NRXN1: variants seen among roughly 807,000 people sequenced by gnomAD.
NRXN1 encodes neurexin 1.
In NRXN1, 39 loss-of-function variants were observed where a neutral mutation model predicts 150.9. That is an observed-to-expected ratio of 0.26 (90% CI 0.20 to 0.34). The LOEUF is 0.34. Ranked by LOEUF, NRXN1 falls within the 10% of genes least tolerant of loss-of-function variation. The probability of loss-of-function intolerance (pLI) is 1.00; values close to 1 mark genes in which losing one functional copy is unlikely to be tolerated. For missense variants in NRXN1, 1,815 were observed against 1,949.9 expected, an observed-to-expected ratio of 0.93 and a Z score of 1.30; for synonymous variants, 924 against 757.0, an observed-to-expected ratio of 1.22 and a Z score of -3.62.
At chr2:50,249,930 G>T (rs1011770385) in intron 17 of NRXN1, among the ~76,000 whole-genome samples, 1 of 152,026 alleles carries the variant, frequency 6.6e-6, no homozygotes, top group Non-Finnish European at 1.5e-5. Flanking sequence ...GAGCCACCGT[G>T]CCTGGCCCAG....
At chr2:50,331,883 C>A (rs1429440925) in intron 17 of NRXN1, among the ~76,000 whole-genome samples, 1 of 152,096 alleles carries the variant, frequency 6.6e-6, no homozygotes, top group Non-Finnish European at 1.5e-5. Flanking sequence ...CTAGGACCGT[C>A]TACATTATAA....
At chr2:50,474,443 G>A (rs536455057) in intron 15 of NRXN1, among the ~76,000 whole-genome samples, 90 of 151,724 alleles carry the variant, frequency 5.9e-4, no homozygotes, top group Non-Finnish European at 1.1e-3. Context: ...AGAGGGTGCT[G>A]ATTTCTAATT....
chr2:50,972,559 T>G (rs1188621460), intron 2 of NRXN1, among the ~76,000 whole-genome samples: 1 of 152,086 alleles, frequency 6.6e-6, no homozygotes, highest in Non-Finnish European at 1.5e-5. Context: ...ATTATTACAT[T>G]GTAATATCGA....
At chr2:50,776,260 A>G (rs781679153) in intron 5 of NRXN1, among the ~76,000 whole-genome samples, 1 of 152,146 alleles carries the variant, frequency 6.6e-6, no homozygotes, top group Non-Finnish European at 1.5e-5. Context: ...TCACAAAATT[A>G]TGTGGTCCGT....
intron 18 of NRXN1, among the ~76,000 whole-genome samples, chr2:50,141,607 A>G (rs1383149007): frequency 1.3e-5 from 2 of 152,142 alleles, no homozygotes; most frequent in African/African-American, 4.8e-5. Flanking sequence ...ACAATTCAAT[A>G]GCAAAAAGCC....
rs548394538 is a variant in NRXN1 at position 50,063,251 on chromosome 2, C to T, written c.3719-8207G>A. 6.2e-4 allele frequency among the ~76,000 whole-genome samples: 94 copies of T among 152,176 alleles called. 1 individual carries two copies. The highest frequency in any genetic ancestry group is 4.8e-3 in the South Asian group (23 of 4,822). On this transcript the variant is annotated intron_variant, in intron 19 of 22. Transcript: ENST00000401669. ...TTCCAAATAAATAGATTTTGAATAT[C>T]GACACCTTTTGAGAAACAAACTTTT... is the stretch of plus-strand genomic sequence containing the variant.
intron 21 of NRXN1, among the ~76,000 whole-genome samples, chr2:49,992,479 C>T (rs1682165373): frequency 6.6e-6 from 1 of 151,994 alleles, no homozygotes; most frequent in African/African-American, 2.4e-5. Flanking sequence ...AGTCGGGAGG[C>T]TGAGGCAGGG....
intron 17 of NRXN1, among the ~76,000 whole-genome samples, chr2:50,463,631 C>G (rs1251576992): frequency 6.6e-6 from 1 of 151,652 alleles, no homozygotes; most frequent in African/African-American, 2.4e-5. Flanking sequence ...AAAAATCATT[C>G]GAAGACAGCA....
At chr2:50,844,847 C>T (rs1307070893) in intron 5 of NRXN1, among the ~76,000 whole-genome samples, 1 of 141,564 alleles carries the variant, frequency 7.1e-6, no homozygotes, top group African/African-American at 2.5e-5. Context: ...GTTTAGCCAT[C>T]CTCAGCTAAT....
intron 17 of NRXN1, among the ~76,000 whole-genome samples, chr2:50,272,104 G>T (rs1336722789): frequency 6.6e-6 from 1 of 152,182 alleles, no homozygotes. Context: ...CCTGACCTTG[G>T]GGAGCAGGTC....
In NRXN1 at chr2:50,236,951, A is replaced by G. The variant is rs751894635; in HGVS notation, c.3384T>C (p.Phe1128=). 80 of 1,613,162 alleles carry G rather than the reference A, an allele frequency of 5.0e-5. No individual in the cohort carries two copies. The highest frequency in any genetic ancestry group is 6.2e-5 in the Non-Finnish European group (73 of 1,179,532). ...LCNDPGTTYI[F]SKGGGQITYK... is the part of the protein sequence containing the mutation. ...ACGTGATTTGTCCACCACCTTTGCT[A>G]AAGATATATGTCGTCCCAGCTGGAA... Residue 1128 remains phenylalanine, a synonymous_variant, in exon 18 of 23, where the codon TTT becomes TTC. Coordinates refer to ENST00000401669, the MANE Select transcript of NRXN1 (RefSeq NM_001330078.2).
In NRXN1 at chr2:50,414,334, CA is replaced by C. The variant is rs2083390742; in HGVS notation, c.3364+51107del. Among the ~76,000 whole-genome samples the C allele has an allele frequency of 2.0e-5, 3 of 151,426 alleles. No individual in the cohort carries two copies. In the South Asian group the frequency reaches 6.3e-4, roughly 32 times the overall value. The stretch of plus-strand genomic sequence containing the variant: ...CCTGCTATGTAGTCCATAAATACCC[CA>C]TAAATATATACCTACTATATACTGA... On this transcript the variant is annotated intron_variant, in intron 17 of 22. Coordinates refer to ENST00000401669, the MANE Select transcript of NRXN1 (RefSeq NM_001330078.2).
chr2:49,974,285 T>G, intron 21 of NRXN1: 2 of 558,542 alleles, frequency 3.6e-6, no homozygotes, highest in Non-Finnish European at 6.8e-6. Flanking sequence ...CGTCTGCAGT[T>G]GACGAGGCTG....
At chr2:49,975,095 T>C (rs910837596) in intron 21 of NRXN1, among the ~76,000 whole-genome samples, 4 of 150,414 alleles carry the variant, frequency 2.7e-5, no homozygotes, top group African/African-American at 9.7e-5. Flanking sequence ...TATATAGTTA[T>C]ATATACATAT....
intron 5 of NRXN1, among the ~76,000 whole-genome samples, chr2:50,886,003 CTG>C (rs773591557): frequency 6.6e-6 from 1 of 151,288 alleles, no homozygotes; most frequent in Non-Finnish European, 1.5e-5. Context: ...ATAAAGAACT[CTG>C]TAATTTGGTT....
chr2:50,268,385 G>C lies in NRXN1; in HGVS notation c.3365-31415C>G, dbSNP rs578168933. ...TATGCTTTCTTATTATCCTACTTAGGCTTAGTACTACACCCAACAGTGACC... is the reference window on the plus strand; with the variant it reads ...TATGCTTTCTTATTATCCTACTTAGCCTTAGTACTACACCCAACAGTGACC... On this transcript the variant is annotated intron_variant, in intron 17 of 22. Coordinates refer to ENST00000401669, the MANE Select transcript of NRXN1 (RefSeq NM_001330078.2). 3.8e-4 allele frequency among the ~76,000 whole-genome samples: 58 copies of C among 152,114 alleles called. 1 individual carries two copies. Among genetic ancestry groups the C allele is most frequent in the African/African-American group, 1.3e-3 (53 of 41,494 alleles).
At chr2:50,286,443 T>C (rs762480395) in intron 17 of NRXN1, among the ~76,000 whole-genome samples, 5 of 152,200 alleles carry the variant, frequency 3.3e-5, no homozygotes, top group Non-Finnish European at 5.9e-5. Flanking sequence ...TTTTCCACAT[T>C]GTTGCAATTG....
intron 17 of NRXN1, among the ~76,000 whole-genome samples, chr2:50,313,287 T>C (rs895457346): frequency 6.6e-6 from 1 of 152,092 alleles, no homozygotes; most frequent in African/African-American, 2.4e-5. Context: ...CACCCTAAGC[T>C]CTCACGATTA....
chr2:50,414,075 G>A (rs2083373750), intron 17 of NRXN1, among the ~76,000 whole-genome samples: 1 of 151,484 alleles, frequency 6.6e-6, no homozygotes, highest in Admixed American at 6.6e-5. Flanking sequence ...GTGCAGGGGA[G>A]GTAAGGATGA....
Sources: gnomAD v4.1 joint callset for allele counts (sites outside exome capture counted in the v4.1 genomes callset) on GRCh38, gnomAD v4.1.1 for gene constraint, MANE v1.5 for transcripts, NCBI Gene and HGNC (gene_info 2026-07-23, HGNC 2026-07-21) for gene names.